The following KAT6A variants were observed in gnomAD, a reference collection of about 807,000 sequenced individuals.
KAT6A encodes the protein histone acetyltransferase KAT6A.
Under a neutral mutation model 198.4 loss-of-function variants are expected in KAT6A, and 9 were observed. The ratio of observed to expected loss-of-function variants is 0.05; its 90% confidence interval spans 0.03 to 0.08. KAT6A has a LOEUF of 0.08. Ranked by LOEUF, KAT6A falls within the 10% of genes least tolerant of loss-of-function variation. The probability of loss-of-function intolerance (pLI) is 1.00; values close to 1 mark genes in which losing one functional copy is unlikely to be tolerated. For missense variants in KAT6A, 2,077 were observed against 2,509.9 expected, an observed-to-expected ratio of 0.83 and a Z score of 3.69; for synonymous variants, 890 against 883.0, an observed-to-expected ratio of 1.01 and a Z score of -0.14.
intron 2 of KAT6A, among the ~76,000 whole-genome samples, chr8:42,024,319 T>A (rs1250850189): frequency 6.6e-6 from 1 of 152,156 alleles, no homozygotes; most frequent in Non-Finnish European, 1.5e-5. Context: ...TGTAATAATT[T>A]TTAATATATT....
At position 41,977,147 on chromosome 8, in the gene KAT6A, C is replaced by T; in HGVS notation, c.1224G>A (p.Gly408=). The T allele has an allele frequency of 6.2e-7, 1 of 1,614,136 alleles. No homozygotes were observed. The highest frequency in any genetic ancestry group is 8.5e-7 in the Non-Finnish European group (1 of 1,180,008). The stretch of plus-strand genomic sequence containing the variant: ...AAAATTTGGTAAGGCCATCAATGAG[C>T]CCTTTGGTTTTCTTGTTGAACTTCA... ...VSLKFNKKTK[G]LIDGLTKFFT... The change falls in exon 7 of 17, where the codon GGG becomes GGA. Residue 408 remains glycine, a synonymous_variant. Transcript: ENST00000265713.
intron 2 of KAT6A, among the ~76,000 whole-genome samples, chr8:42,021,188 G>GT (rs1564070351): frequency 6.6e-6 from 1 of 151,960 alleles, no homozygotes. Flanking sequence ...ATTATAAAAC[G>GT]TGACAAATGG....
At chr8:42,050,127 A>G (rs937690883) in intron 1 of KAT6A, among the ~76,000 whole-genome samples, 1 of 152,218 alleles carries the variant, frequency 6.6e-6, no homozygotes, top group Non-Finnish European at 1.5e-5. Flanking sequence ...CACATACTAC[A>G]TATCAAACGG....
rs1210354884 is a variant in KAT6A, at chr8:42,051,401, GGAACCCGAGCCCGAGCCC to G, written c.-326+482_-326+499del. ...CCCGGCCGGAGCCAAAGCCGGAGCC[GGAACCCGAGCCCGAGCCC>G]GAACCCGAGCGCCCGCGAGCGCGGG... On this transcript the variant is annotated intron_variant, in intron 1 of 16. Transcript: ENST00000265713. 5.3e-5 allele frequency among the ~76,000 whole-genome samples: 8 copies of G among 151,416 alleles called. 1 individual carries two copies. The South Asian group carries it at 1.0e-3, about 20-fold the overall frequency.
Position 41,947,928 on chromosome 8 carries a change from G to C in KAT6A, c.1741-16C>G, listed in dbSNP as rs1822475324. 1 of 1,574,054 alleles carries C rather than the reference G, an allele frequency of 6.4e-7. No homozygotes were observed. On this transcript the variant is annotated splice_polypyrimidine_tract_variant and intron_variant, in intron 10 of 16. Coordinates refer to ENST00000265713, the MANE Select transcript of KAT6A (RefSeq NM_006766.5). ...TCCCATCAACCTAGAGAAATAAACA[G>C]AACAAAACAGTCAGTAGAGGGTCTC...
intron 8 of KAT6A, among the ~76,000 whole-genome samples, chr8:41,967,193 A>G (rs1823536641): frequency 6.6e-6 from 1 of 152,024 alleles, no homozygotes; most frequent in Non-Finnish European, 1.5e-5. Context: ...TGTAAAAATC[A>G]TTCTATATAT....
At chr8:41,987,387 C>CA in intron 3 of KAT6A, 68 bp downstream of exon 3, 1 of 884,012 alleles carries the variant, frequency 1.1e-6, no homozygotes, top group Admixed American at 1.9e-5. Flanking sequence ...GATACAAACT[C>CA]AAGTCAACAT....
intron 2 of KAT6A, among the ~76,000 whole-genome samples, chr8:42,044,808 T>C (rs1435187505): frequency 6.6e-6 from 1 of 152,204 alleles, no homozygotes; most frequent in Non-Finnish European, 1.5e-5. Context: ...GCTGAACCAA[T>C]TAATTCCTAA....
At chr8:41,967,566 G>A (rs868450543) in intron 8 of KAT6A, among the ~76,000 whole-genome samples, 10 of 151,062 alleles carry the variant, frequency 6.6e-5, no homozygotes, top group African/African-American at 1.9e-4. Flanking sequence ...TTGTTCTTGC[G>A]ATAGTTTACT....
chr8:41,971,679 T>C (rs1345092851), intron 8 of KAT6A, among the ~76,000 whole-genome samples: 2 of 151,282 alleles, frequency 1.3e-5, no homozygotes, highest in Non-Finnish European at 2.9e-5. Flanking sequence ...GGAAGTGGTA[T>C]AATCCAACCT....
chr8:41,960,198 CAAG>C (rs1823133191), intron 8 of KAT6A, among the ~76,000 whole-genome samples: 1 of 151,846 alleles, frequency 6.6e-6, no homozygotes, highest in African/African-American at 2.4e-5. Context: ...TCCAGTTTTG[CAAG>C]ATAAAAAAGT....
chr8:42,008,437 A>G (rs528420111), intron 2 of KAT6A, among the ~76,000 whole-genome samples: 2 of 152,232 alleles, frequency 1.3e-5, no homozygotes, highest in East Asian at 3.9e-4. Flanking sequence ...TCCTGGGTTC[A>G]AGCGATTCTC....
At position 42,045,915 on chromosome 8, in the gene KAT6A, G is replaced by A. The variant is rs576016094; in HGVS notation, c.600+2463C>T. On this transcript the variant is annotated intron_variant, in intron 2 of 16. Transcript: ENST00000265713. Reference sequence around the variant, plus strand: ...CAGAAGAATCGCTTGAACCCGGGAGGCGAAGGTTGCAGTGAGCTGAGATCA... The same window carrying A: ...CAGAAGAATCGCTTGAACCCGGGAGACGAAGGTTGCAGTGAGCTGAGATCA... Among the ~76,000 whole-genome samples, 29 of 151,986 alleles carry A rather than the reference G, an allele frequency of 1.9e-4. 1 individual carries two copies. The highest frequency in any genetic ancestry group is 3.8e-4 in the Non-Finnish European group (26 of 67,994).
chr8:42,044,343 C>A (rs544890565), intron 2 of KAT6A, among the ~76,000 whole-genome samples: 2 of 148,188 alleles, frequency 1.3e-5, no homozygotes, highest in Non-Finnish European at 3.0e-5. Flanking sequence ...AGGTGATCCA[C>A]CCCCCCCTCG....
At chr8:41,946,804 C>T (rs934904248) in intron 11 of KAT6A, 120 bp from the exon 12 acceptor site, 5 of 628,864 alleles carry the variant, frequency 8.0e-6, no homozygotes, top group African/African-American at 2.0e-5. Flanking sequence ...GGAATAGCAA[C>T]GTACATCAAC....
At chr8:41,995,179 G>C (rs1216142290) in intron 2 of KAT6A, among the ~76,000 whole-genome samples, 1 of 152,068 alleles carries the variant, frequency 6.6e-6, no homozygotes, top group Admixed American at 6.6e-5. Flanking sequence ...ACCTTACATA[G>C]AAAGAACAAT....
At chr8:41,948,000 CCA>C in intron 10 of KAT6A, 88 bp from the exon 11 acceptor site, 1 of 1,108,558 alleles carries the variant, frequency 9.0e-7, no homozygotes, top group South Asian at 1.7e-5. Context: ...CTCTAGATAT[CCA>C]CAGTCCAGAC....
rs147750481 is a variant in KAT6A, at chr8:41,942,928, T to A, written c.2301A>T (p.Val767=). The A allele has an allele frequency of 6.2e-7, 1 of 1,614,186 alleles. No individual in the cohort carries two copies. The highest frequency in any genetic ancestry group is 2.2e-5 in the East Asian group (1 of 44,890). The stretch of plus-strand genomic sequence containing the variant: ...AGCGCAAACATTCTGGATCTACATC[T>A]ACAGGTCGCAAATTCAGCTGAAGCT... ...MAKLQLNLRP[V]DVDPECLRWT... Residue 767 remains valine (V), a synonymous_variant, in exon 14 of 17, where the codon GTA becomes GTT. Transcript: ENST00000265713.
intron 12 of KAT6A, among the ~76,000 whole-genome samples, chr8:41,944,869 A>G (rs769942692): frequency 5.9e-5 from 9 of 152,232 alleles, no homozygotes. Context: ...CCTACTGCTC[A>G]TCTAAAAAGA....
Sources: allele counts gnomAD v4.1 joint callset (sites outside exome capture counted in the v4.1 genomes callset), GRCh38; gene constraint gnomAD v4.1.1; transcripts MANE v1.5; gene names NCBI Gene and HGNC (gene_info 2026-07-23, HGNC 2026-07-21).